VWA8: variants seen among roughly 807,000 people sequenced by gnomAD.
VWA8 encodes von Willebrand factor A domain containing 8, also known as von Willebrand factor A domain-containing protein 8.
In VWA8, 221 loss-of-function variants were observed where a neutral mutation model predicts 241.5. That is an observed-to-expected ratio of 0.91 (90% CI 0.82 to 1.02). The LOEUF (loss-of-function observed/expected upper bound fraction) is 1.02. Ranked by LOEUF, VWA8 falls within the 50% of genes least tolerant of loss-of-function variation. VWA8 has a pLI of 0.00. For synonymous variants in VWA8, 852 were observed against 827.1 expected (o/e 1.03, Z -0.52); for missense variants, 2,322 against 2,328.7 (o/e 1.00, Z 0.06).
At chr13:41,889,627 C>T (rs1593847895) in intron 5 of VWA8, among the ~76,000 whole-genome samples, 1 of 152,156 alleles carries the variant, frequency 6.6e-6, no homozygotes, top group African/African-American at 2.4e-5. Context: ...GATCTGCCTG[C>T]CTTAGCCTCC....
At chr13:41,761,776 A>C (rs527714453) in intron 20 of VWA8, among the ~76,000 whole-genome samples, 1 of 152,214 alleles carries the variant, frequency 6.6e-6, no homozygotes, top group South Asian at 2.1e-4. Flanking sequence ...TCTTCCTAGA[A>C]ATGCCCTCAT....
rs2044272509 is a variant in VWA8 at position 41,568,020 on chromosome 13, CCTT to C, written c.*174_*176del. ...GGAGTATCTTTCCATGTTTAAGTCT[CCTT>C]CTGGCTGCTTCTCTGAATTCTCATT... On this transcript the variant is annotated 3_prime_UTR_variant, in exon 45 of 45. Transcript: ENST00000379310. The C allele has an allele frequency of 3.4e-6, 2 of 594,616 alleles. No homozygotes were observed. The highest frequency in any genetic ancestry group is 1.9e-5 in the African/African-American group (1 of 53,388). The allele number at this position is 594,616 out of a possible 1,614,324, so 36.8% of individuals were successfully genotyped here.
At chr13:41,948,468 T>A (rs1877966409) in intron 2 of VWA8, among the ~76,000 whole-genome samples, 1 of 152,162 alleles carries the variant, frequency 6.6e-6, no homozygotes, top group Admixed American at 6.5e-5. Context: ...CTGAATAAAC[T>A]AAAATTACTG....
chr13:41,769,388 A>C (rs1259359336), intron 20 of VWA8, among the ~76,000 whole-genome samples: 2 of 152,230 alleles, frequency 1.3e-5, no homozygotes, highest in Non-Finnish European at 2.9e-5. Context: ...CATACAAAAA[A>C]GTGTTGGGAG....
intron 2 of VWA8, among the ~76,000 whole-genome samples, chr13:41,922,008 G>A (rs1212726505): frequency 2.0e-5 from 3 of 152,184 alleles, no homozygotes; most frequent in Non-Finnish European, 2.9e-5. Context: ...CAAAGCTGGA[G>A]GCATCACACT....
At chr13:41,868,889 AAAAAAAAAAAAAAAAAAGG>A (rs1873449189) in intron 9 of VWA8, among the ~76,000 whole-genome samples, 1 of 14,076 alleles carries the variant, frequency 7.1e-5, no homozygotes, top group Non-Finnish European at 3.5e-4. Flanking sequence ...CTCCGTCTCA[AAAAAAAAAAAAAAAAAAGG>A]AAAAAAAAAA....
rs867276332 is a variant in VWA8, at chr13:41,898,949, G to A, written c.484-7362C>T. 6.7e-4 allele frequency among the ~76,000 whole-genome samples: 102 copies of A among 152,308 alleles called. 1 individual carries two copies. Among genetic ancestry groups the A allele is most frequent in the Middle Eastern group, 3.4e-3 (1 of 292 alleles). On this transcript the variant is annotated intron_variant, in intron 4 of 44. Coordinates refer to ENST00000379310, the MANE Select transcript of VWA8 (RefSeq NM_015058.2). ...AGCGCCGCGCGCAGCCCCGATTCCC[G>A]CTCGCGCCTCTTCCTCCACACCTCC...
intron 26 of VWA8, among the ~76,000 whole-genome samples, chr13:41,717,756 CTG>C (rs1383065583): frequency 2.0e-5 from 3 of 152,068 alleles, no homozygotes; most frequent in Admixed American, 1.3e-4. Flanking sequence ...CTCTGAATGA[CTG>C]TGGAAATTAT....
chr13:41,821,129 T>C (rs1193928559), intron 14 of VWA8, among the ~76,000 whole-genome samples: 1 of 152,132 alleles, frequency 6.6e-6, no homozygotes, highest in Non-Finnish European at 1.5e-5. Context: ...GCTGTAAAAT[T>C]AGAACTAAAA....
chr13:41,625,168 AAC>A (rs1437342606), intron 37 of VWA8, among the ~76,000 whole-genome samples: 2 of 152,034 alleles, frequency 1.3e-5, no homozygotes, highest in Non-Finnish European at 2.9e-5. Context: ...AGATGACACA[AAC>A]ACACACAAAT....
rs777440694 is a variant in VWA8, at chr13:41,830,580, T to C, written c.1649A>G (p.Tyr550Cys). ...DGSRLLREDR[Y>C]MRLKEELQLS... ...TTGCAGCTCCTCCTTTAAACGCATA[T>C]ACCTGTCTTCTCTCAGCAGCCTAGA... The change falls in exon 14 of 45, where the codon TAT becomes TGT. Residue 550 changes from tyrosine (Y) to cysteine (C), a missense_variant. Transcript: ENST00000379310. The C allele has an allele frequency of 9.9e-6, 16 of 1,613,818 alleles. No individual in the cohort carries two copies. Among genetic ancestry groups the C allele is most frequent in the Admixed American group, 6.7e-5 (4 of 60,002 alleles).
chr13:41,574,082 G>A (rs1234106845), intron 43 of VWA8, among the ~76,000 whole-genome samples: 4 of 149,352 alleles, frequency 2.7e-5, no homozygotes, highest in East Asian at 2.0e-4. Context: ...TGCCCCACAA[G>A]CATATAAACT....
chr13:41,790,584 T>C (rs1381860539), intron 17 of VWA8, among the ~76,000 whole-genome samples: 1 of 152,036 alleles, frequency 6.6e-6, no homozygotes, highest in Non-Finnish European at 1.5e-5. Flanking sequence ...AGGATCAGCA[T>C]AGAATTGAAT....
intron 9 of VWA8, among the ~76,000 whole-genome samples, chr13:41,877,813 A>G (rs988544038): frequency 2.0e-5 from 3 of 152,116 alleles, no homozygotes; most frequent in Admixed American, 6.6e-5. Flanking sequence ...AAAGTATAGC[A>G]GATTCAGAAT....
rs764032818 is a variant in VWA8, at chr13:41,891,447, A to G, written c.624T>C (p.Ser208=). 5 of 1,614,114 alleles carry G rather than the reference A, an allele frequency of 3.1e-6. No homozygotes were observed. Among genetic ancestry groups the G allele is most frequent in the Non-Finnish European group, 4.2e-6 (5 of 1,180,030 alleles). ...GGAGAAGTTTGTCGTAACGCTCAGCAGACATCAGGAAGCGTCCATCTTCAA... is the reference window on the plus strand; with the variant it reads ...GGAGAAGTTTGTCGTAACGCTCAGCGGACATCAGGAAGCGTCCATCTTCAA... ...MQLEDGRFLM[S]AERYDKLLRD... Residue 208 remains serine, a synonymous_variant, in exon 5 of 45, where the codon TCT becomes TCC. Coordinates refer to ENST00000379310, the MANE Select transcript of VWA8 (RefSeq NM_015058.2).
chr13:41,841,802 A>T (rs1314368315), intron 12 of VWA8, among the ~76,000 whole-genome samples: 7 of 32,284 alleles, frequency 2.2e-4, no homozygotes, highest in African/African-American at 6.5e-4. Flanking sequence ...AAAAAAAAAA[A>T]AAAAAAAAAA....
chr13:41,685,036 T>C lies in VWA8; in HGVS notation c.4327+11A>G, dbSNP rs1269431781. 6.2e-7 allele frequency: 1 copy of C among 1,608,548 alleles called. No individual in the cohort carries two copies. Among genetic ancestry groups the C allele is most frequent in the Admixed American group, 1.7e-5 (1 of 58,580 alleles). On this transcript the variant is annotated intron_variant, in intron 35 of 44. Coordinates refer to ENST00000379310, the MANE Select transcript of VWA8 (RefSeq NM_015058.2). ...CCTTTGTAAATTAGGAATTGGTGAG[T>C]TCCTTCTTACCTTTTGGGTAGATAT...
At chr13:41,628,104 C>A (rs765713079) in intron 37 of VWA8, among the ~76,000 whole-genome samples, 1 of 152,172 alleles carries the variant, frequency 6.6e-6, no homozygotes, top group Non-Finnish European at 1.5e-5. Flanking sequence ...GTAACAGGGC[C>A]TTTGAGCTCC....
chr13:41,911,974 CTTATT>C, intron 3 of VWA8, 59 bp downstream of exon 3: 1 of 1,382,654 alleles, frequency 7.2e-7, no homozygotes, highest in South Asian at 2.1e-5. Context: ...AATTCTTAAT[CTTATT>C]TTATTTCATA....
Sources: gnomAD v4.1 joint callset for allele counts (sites outside exome capture counted in the v4.1 genomes callset) on GRCh38, gnomAD v4.1.1 for gene constraint, MANE v1.5 for transcripts, NCBI Gene and HGNC (gene_info 2026-07-23, HGNC 2026-07-21) for gene names.